ADCY10: variants seen among roughly 807,000 people sequenced by gnomAD.
ADCY10 encodes the protein adenylate cyclase type 10.
In ADCY10, 156 loss-of-function variants were observed where a neutral mutation model predicts 183.3. That is an observed-to-expected ratio of 0.85 (90% CI 0.75 to 0.97). ADCY10 has a LOEUF of 0.97. ADCY10 is among the 50% of genes least tolerant of loss of function. The pLI is 0.00. For missense variants in ADCY10, 1,745 were observed against 1,934.3 expected, an observed-to-expected ratio of 0.90 and a Z score of 1.84; for synonymous variants, 645 against 670.0, an observed-to-expected ratio of 0.96 and a Z score of 0.58.
intron 23 of ADCY10, 91 bp from the exon 24 acceptor site, chr1:167,834,168 G>T: frequency 1.1e-6 from 1 of 937,560 alleles, no homozygotes; most frequent in South Asian, 1.3e-5. Flanking sequence ...TGAAGTAAGA[G>T]ATGCAGGAGC....
chr1:167,913,388 A>T (rs999601315), intron 1 of ADCY10, among the ~76,000 whole-genome samples: 1 of 152,236 alleles, frequency 6.6e-6, no homozygotes, highest in African/African-American at 2.4e-5. Flanking sequence ...ATGTAAAGTC[A>T]GGTTTCACGA....
At chr1:167,838,124 A>G (rs1436577712) in intron 21 of ADCY10, among the ~76,000 whole-genome samples, 1 of 152,206 alleles carries the variant, frequency 6.6e-6, no homozygotes, top group Non-Finnish European at 1.5e-5. Flanking sequence ...CATCTTATAG[A>G]TGCAGTTTGA....
chr1:167,842,690 A>G (rs999940322), intron 21 of ADCY10, among the ~76,000 whole-genome samples: 2 of 152,132 alleles, frequency 1.3e-5, no homozygotes, highest in Admixed American at 1.3e-4. Flanking sequence ...CAACATTTAC[A>G]TAGTCTTAAT....
Position 167,845,724 on chromosome 1 carries a change from A to G in ADCY10, c.2846T>C (p.Met949Thr). ...TAAAAAGCGGGCACATTTCAAGTGC[A>G]TGGCTTTTCTCTGGTCCTTGAGCCA... ...ELWLKDQRKAMHLKCARFLEE... is the reference protein window; with the variant it reads ...ELWLKDQRKATHLKCARFLEE... The change falls in exon 21 of 33, where the codon ATG becomes ACG. Residue 949 changes from methionine (M) to threonine (T), a missense_variant. Transcript: ENST00000367851. 2.5e-6 allele frequency: 4 copies of G among 1,614,230 alleles called. No homozygotes were observed. The highest frequency in any genetic ancestry group is 3.4e-6 in the Non-Finnish European group (4 of 1,180,028).
chr1:167,833,487 T>G (rs997884259), intron 24 of ADCY10, among the ~76,000 whole-genome samples: 5 of 152,240 alleles, frequency 3.3e-5, no homozygotes, highest in Admixed American at 3.3e-4. Context: ...GGCTAACGCC[T>G]GTAATCCCAG....
At position 167,905,050 on chromosome 1, in the gene ADCY10, G is replaced by C. The variant is rs985764757; in HGVS notation, c.91C>G (p.Pro31Ala). Residue 31 changes from proline (P) to alanine (A), a missense_variant, in exon 2 of 33, where the codon CCA becomes GCA. By Grantham distance (27) the Pro-to-Ala change is conservative (BLOSUM62 -1). Coordinates refer to ENST00000367851, the MANE Select transcript of ADCY10 (RefSeq NM_018417.6). ...AAATAATCCATAAAGGGTCGCTCTG[G>C]GGAGAAATGTCCATAGACAATGAGG... ...PDLIVYGHFSPERPFMDYFDG... is the reference protein window; with the variant it reads ...PDLIVYGHFSAERPFMDYFDG... 3.7e-6 allele frequency: 6 copies of C among 1,614,182 alleles called. No individual in the cohort carries two copies. The highest frequency in any genetic ancestry group is 5.1e-6 in the Non-Finnish European group (6 of 1,180,034).
At chr1:167,827,169 C>CTT (rs879670745) in intron 26 of ADCY10, among the ~76,000 whole-genome samples, 1 of 144,380 alleles carries the variant, frequency 6.9e-6, no homozygotes, top group Non-Finnish European at 1.5e-5. Context: ...ACTTAATGTA[C>CTT]TTTTTTTTTT....
chr1:167,900,302 C>A (rs1370878578), intron 5 of ADCY10, among the ~76,000 whole-genome samples: 18 of 152,098 alleles, frequency 1.2e-4, no homozygotes, highest in Non-Finnish European at 2.2e-4. Context: ...CTGACTCCCC[C>A]CTGATTCTAC....
In ADCY10 at chr1:167,871,755, A is replaced by G. The variant is rs532972435; in HGVS notation, c.1463-1345T>C. ...AAAGAAGCTAAGTGCTTTGCTTGGT[A>G]ATATACATTTCTGAGTATGGCTTAG... On this transcript the variant is annotated intron_variant, in intron 13 of 32. Transcript: ENST00000367851. Among the ~76,000 whole-genome samples, 5 of 152,368 alleles carry G rather than the reference A, an allele frequency of 3.3e-5. No individual in the cohort carries two copies. In the South Asian group the frequency reaches 1.0e-3, roughly 32 times the overall value.
In ADCY10 at chr1:167,875,196, A is replaced by G. The variant is rs1291337100; in HGVS notation, c.1407-10T>C. 2 of 1,613,384 alleles carry G rather than the reference A, an allele frequency of 1.2e-6. No homozygotes were observed. The highest frequency in any genetic ancestry group is 2.2e-5 in the East Asian group (1 of 44,882). On this transcript the variant is annotated splice_polypyrimidine_tract_variant and intron_variant, in intron 12 of 32. Transcript: ENST00000367851. ...CGCCATACCAAACATGCTGAAGAGAAGAACAAAAGAACAGATGCTAGATTC... is the reference window on the plus strand; with the variant it reads ...CGCCATACCAAACATGCTGAAGAGAGGAACAAAAGAACAGATGCTAGATTC...
At position 167,856,413 on chromosome 1, in the gene ADCY10, A is replaced by G; in HGVS notation, c.1923T>C (p.Phe641=). The G allele has an allele frequency of 1.2e-6, 2 of 1,614,206 alleles. No individual in the cohort carries two copies. The highest frequency in any genetic ancestry group is 1.7e-6 in the Non-Finnish European group (2 of 1,180,032). ...KLIVKEERII[F]IIDEAQFVDS... is the part of the protein sequence containing the mutation. ...CCACAAACTGGGCCTCATCAATGAT[A>G]AAAATAATCCTTTCCTCTTTCACTA... is the stretch of plus-strand genomic sequence containing the variant. The change falls in exon 17 of 33, where the codon TTT becomes TTC. Residue 641 remains phenylalanine, a synonymous_variant. Transcript: ENST00000367851.
At chr1:167,811,408 G>A (rs1662198473) in intron 31 of ADCY10, among the ~76,000 whole-genome samples, 1 of 152,082 alleles carries the variant, frequency 6.6e-6, no homozygotes, top group Admixed American at 6.5e-5. Flanking sequence ...CCAACATGGT[G>A]AAACTCCGTC....
chr1:167,845,786 G>A lies in ADCY10; in HGVS notation c.2784C>T (p.Phe928=). The A allele has an allele frequency of 6.2e-7, 1 of 1,614,178 alleles. No individual in the cohort carries two copies. The highest frequency in any genetic ancestry group is 8.5e-7 in the Non-Finnish European group (1 of 1,180,038). The stretch of plus-strand genomic sequence containing the variant: ...CTGTTTTCTGCATCATAGGGTTACA[G>A]AATCGAATCCTGTGGCACTCGATCA... The part of the protein sequence containing the change: ...NEVIECHRIR[F]CNPMMQKTAY... Residue 928 remains phenylalanine (F), a synonymous_variant, in exon 21 of 33, where the codon TTC becomes TTT. Transcript: ENST00000367851.
rs1454212879 is a variant in ADCY10 at position 167,860,859 on chromosome 1, C to T, written c.1809+12G>A. On this transcript the variant is annotated intron_variant, in intron 15 of 32. Coordinates refer to ENST00000367851, the MANE Select transcript of ADCY10 (RefSeq NM_018417.6). ...TGGCTATTTGTGCAGAAGTATAATA[C>T]TAGCTAGTTACCTGAACATGGAAAA... The T allele has an allele frequency of 6.2e-7, 1 of 1,611,548 alleles. No individual in the cohort carries two copies. The highest frequency in any genetic ancestry group is 8.5e-7 in the Non-Finnish European group (1 of 1,177,710).
At chr1:167,832,891 C>T in intron 25 of ADCY10, 96 bp downstream of exon 25, 1 of 1,350,442 alleles carries the variant, frequency 7.4e-7, no homozygotes, top group Non-Finnish European at 1.1e-6. Context: ...CCTTGTGCCC[C>T]CTGGAGGCCA....
At chr1:167,829,198 G>T (rs1663530436) in intron 26 of ADCY10, 69 bp downstream of exon 26, 2 of 1,570,146 alleles carry the variant, frequency 1.3e-6, no homozygotes, top group Non-Finnish European at 1.7e-6. Context: ...ATCCTAATTG[G>T]CTTTCACTAG....
In ADCY10 at chr1:167,846,140, A is replaced by G. The variant is rs767307542; in HGVS notation, c.2561T>C (p.Met854Thr). 6.2e-7 allele frequency: 1 copy of G among 1,614,174 alleles called. No individual in the cohort carries two copies. Among genetic ancestry groups the G allele is most frequent in the South Asian group, 1.1e-5 (1 of 91,078 alleles). ...LLFEILPCWN[M>T]KMMIKTLATL... ...TGCCAGGGTCTTGATCATCATCTTC[A>G]TATTCCAACAGGGGAGAATCTCAAA... The change falls in exon 20 of 33, where the codon ATG becomes ACG. Residue 854 changes from methionine (M) to threonine (T), a missense_variant. Physicochemically the swap from Met to Thr is moderately conservative, Grantham distance 81. Coordinates refer to ENST00000367851, the MANE Select transcript of ADCY10 (RefSeq NM_018417.6).
chr1:167,843,633 A>G (rs1261593235), intron 21 of ADCY10, among the ~76,000 whole-genome samples: 1 of 151,962 alleles, frequency 6.6e-6, no homozygotes, highest in African/African-American at 2.4e-5. Flanking sequence ...AGAACTTAAA[A>G]TGGTTCCAGA....
chr1:167,811,454 G>A (rs982490432), intron 31 of ADCY10, among the ~76,000 whole-genome samples: 17 of 152,162 alleles, frequency 1.1e-4, no homozygotes, highest in East Asian at 7.7e-4. Context: ...AGGCATGGTC[G>A]TGCACGCCTG....
Sources: allele counts gnomAD v4.1 joint callset (sites outside exome capture counted in the v4.1 genomes callset), GRCh38; gene constraint gnomAD v4.1.1; transcripts MANE v1.5; gene names NCBI Gene and HGNC (gene_info 2026-07-23, HGNC 2026-07-21).